Variants in FAM186A observed in about 807,000 individuals in gnomAD.
The protein encoded by FAM186A is family with sequence similarity 186 member A, also known as protein FAM186A.
A neutral mutation model predicts 216.8 loss-of-function variants in FAM186A; 163 were observed. That is an observed-to-expected ratio of 0.75 (90% confidence interval 0.66 to 0.86). FAM186A has a LOEUF of 0.86. Among genes scored for constraint, FAM186A ranks in the 40% least tolerant of loss-of-function variants. FAM186A has a pLI of 0.00. For synonymous variants in FAM186A, 805 were observed against 1,025.3 expected, an observed-to-expected ratio of 0.79 and a Z score of 4.10; for missense variants, 2,184 against 2,746.2, an observed-to-expected ratio of 0.80 and a Z score of 4.58.
intron 3 of FAM186A, among the ~76,000 whole-genome samples, chr12:50,360,113 A>G (rs549581556): frequency 1.3e-5 from 2 of 151,876 alleles, no homozygotes; most frequent in Non-Finnish European, 2.9e-5. Context: ...GCGTGGTGGC[A>G]GGTGCCTGTA....
At position 50,355,497 on chromosome 12, in the gene FAM186A, A is replaced by G. The variant is rs956227505; in HGVS notation, c.1335T>C (p.Asp445=). The G allele has an allele frequency of 5.2e-6, 8 of 1,551,174 alleles. No individual in the cohort carries two copies. The highest frequency in any genetic ancestry group is 3.9e-5 in the Admixed American group (2 of 50,914). The change falls in exon 4 of 8, where the codon GAT becomes GAC. Residue 445 remains aspartate, a synonymous_variant. Coordinates refer to ENST00000327337, the MANE Select transcript of FAM186A (RefSeq NM_001145475.3). ...CATCAGTCTCATCTTCCTGATAGAA[A>G]TCACCTTTCTTCAATGATACGTTAT... is the stretch of plus-strand genomic sequence containing the variant. ...TKDNVSLKKG[D]FYQEDETDEY...
At chr12:50,384,278 TA>T (rs200850479) in intron 1 of FAM186A, among the ~76,000 whole-genome samples, 46 of 148,314 alleles carry the variant, frequency 3.1e-4, no homozygotes, top group African/African-American at 5.7e-4. Flanking sequence ...CTACAAAAAT[TA>T]AAAAAAAAAT....
At position 50,331,682 on chromosome 12, in the gene FAM186A, C is replaced by G; in HGVS notation, c.6836G>C (p.Cys2279Ser). 1 of 1,540,758 alleles carries G rather than the reference C, an allele frequency of 6.5e-7. No homozygotes were observed. Among genetic ancestry groups the G allele is most frequent in the Non-Finnish European group, 8.7e-7 (1 of 1,144,790 alleles). The change falls in exon 6 of 8, where the codon TGC (cysteine) becomes TCC (serine). Residue 2279 changes from cysteine (C) to serine (S), a missense_variant. Physicochemically the swap from Cys to Ser is moderately radical, Grantham distance 112. Transcript: ENST00000327337. Reference sequence around the variant, plus strand: ...TTCTAGCACATACCTAAATTTCTTGCATATGTCAGAGGTTCTGTCCTCTTC... The same window carrying G: ...TTCTAGCACATACCTAAATTTCTTGGATATGTCAGAGGTTCTGTCCTCTTC... The part of the protein sequence containing the change: ...LMEEDRTSDI[C>S]KKFRQQEDQT...
At chr12:50,342,501 G>C (rs1383576127) in intron 4 of FAM186A, among the ~76,000 whole-genome samples, 2 of 148,248 alleles carry the variant, frequency 1.3e-5, no homozygotes, top group Non-Finnish European at 3.0e-5. Context: ...TAGAGAGAGA[G>C]TCTCGCTCTG....
intron 3 of FAM186A, among the ~76,000 whole-genome samples, chr12:50,359,360 T>A (rs1406434998): frequency 6.6e-6 from 1 of 151,952 alleles, no homozygotes; most frequent in African/African-American, 2.4e-5. Context: ...ATCACACCAC[T>A]GCACTCCAGC....
chr12:50,350,605 G>C lies in FAM186A; in HGVS notation c.6227C>G (p.Pro2076Arg), dbSNP rs1295642556. The stretch of plus-strand genomic sequence containing the variant: ...ATCTGAAACTGAACTCAGTATCCAG[G>C]GCTTGTCTATAGGAGGGAATCGGGA... ...QKSRFPPIDK[P>R]WILSSVSDTK... is the part of the protein sequence containing the mutation. Residue 2076 changes from proline (P) to arginine (R), a missense_variant, in exon 4 of 8, where the codon CCC (proline) becomes CGC (arginine). By Grantham distance (103) the Pro-to-Arg change is moderately radical (BLOSUM62 -2). Transcript: ENST00000327337. 3 of 1,551,466 alleles carry C rather than the reference G, an allele frequency of 1.9e-6. No homozygotes were observed. In the African/African-American group the frequency reaches 4.1e-5, roughly 21 times the overall value.
Position 50,360,812 on chromosome 12 carries a change from AG to A in FAM186A, c.526del (p.Leu176Ter). ...LKAIENNVKI[L>X]SRFSTSFLDE... ...GAGGAAAGATGTACTAAATCTGCTT[AG>A]TATCTTGACATTGTTCTCAATAGCT... is the stretch of plus-strand genomic sequence containing the variant. On this transcript the variant is annotated frameshift_variant, in exon 3 of 8. Transcript: ENST00000327337. LOFTEE classifies it high-confidence loss of function. 6.5e-7 allele frequency: 1 copy of A among 1,549,928 alleles called. No homozygotes were observed. Among genetic ancestry groups the A allele is most frequent in the Non-Finnish European group, 8.7e-7 (1 of 1,146,348 alleles).
intron 4 of FAM186A, among the ~76,000 whole-genome samples, chr12:50,335,135 TAGACAC>T (rs1159686409): frequency 6.6e-6 from 1 of 151,932 alleles, no homozygotes; most frequent in African/African-American, 2.4e-5. Flanking sequence ...CACATACCTG[TAGACAC>T]AGCCACTCAG....
chr12:50,340,440 T>G (rs1050851197), intron 4 of FAM186A, among the ~76,000 whole-genome samples: 1 of 152,090 alleles, frequency 6.6e-6, no homozygotes, highest in African/African-American at 2.4e-5. Context: ...CCGAGCTCAG[T>G]GTCTCACACC....
intron 4 of FAM186A, among the ~76,000 whole-genome samples, chr12:50,346,237 A>AAAGAAAGAAAGAAAGAAAG (rs1383898895): frequency 0.11 from 10,927 of 102,190 alleles, 2,844 homozygotes; most frequent in East Asian, 0.16. Flanking sequence ...AAGAAAGAAA[A>AAAGAAAGAAAGAAAGAAAG]AAAGAAAGAA....
At chr12:50,371,298 T>A (rs541411143) in intron 1 of FAM186A, among the ~76,000 whole-genome samples, 1 of 151,886 alleles carries the variant, frequency 6.6e-6, no homozygotes, top group African/African-American at 2.4e-5. Flanking sequence ...TTGTATTTTT[T>A]AGTAGAGACG....
chr12:50,373,016 A>G (rs1402265169), intron 1 of FAM186A, among the ~76,000 whole-genome samples: 1 of 138,180 alleles, frequency 7.2e-6, no homozygotes, highest in East Asian at 2.2e-4. Context: ...AGAAAGAAAG[A>G]AAGAAAGAAA....
intron 4 of FAM186A, among the ~76,000 whole-genome samples, chr12:50,335,650 A>G (rs992981293): frequency 2.0e-5 from 3 of 152,062 alleles, no homozygotes; most frequent in Admixed American, 2.0e-4. Flanking sequence ...TATCTCAAAA[A>G]AAAAAAAATG....
At position 50,351,611 on chromosome 12, in the gene FAM186A, C is replaced by T. The variant is rs201614087; in HGVS notation, c.5221G>A (p.Ala1741Thr). The change falls in exon 4 of 8, where the codon GCA becomes ACA. Residue 1741 changes from alanine (A) to threonine (T), a missense_variant. Physicochemically the swap from Ala to Thr is moderately conservative, Grantham distance 58. This residue lies in a region of FAM186A where 721 missense variants were observed against 816.4 expected (regional missense o/e 0.88). Transcript: ENST00000327337. The part of the protein sequence containing the change: ...RLSPSLRLSL[A>T]SSAPTAEKSS... ...TTCTCAGCAGTAGGAGCTGATGATG[C>T]CAGGGACAGCCTAAGACTTGGAGAC... The T allele has an allele frequency of 1.1e-4, 167 of 1,551,320 alleles. No individual in the cohort carries two copies. In the Middle Eastern group the frequency reaches 1.3e-3, roughly 12 times the overall value.
chr12:50,384,106 G>T (rs1323002914), intron 1 of FAM186A, among the ~76,000 whole-genome samples: 1 of 151,876 alleles, frequency 6.6e-6, no homozygotes, highest in South Asian at 2.1e-4. Flanking sequence ...CGACAAGTGA[G>T]ACTCTGTCTC....
chr12:50,377,669 C>T (rs753167746), intron 1 of FAM186A, among the ~76,000 whole-genome samples: 6 of 151,478 alleles, frequency 4.0e-5, no homozygotes, highest in Non-Finnish European at 7.4e-5. Flanking sequence ...CCTGTCTCTA[C>T]TAAAAATACA....
At position 50,378,495 on chromosome 12, in the gene FAM186A, A is replaced by G. The variant is rs913745628; in HGVS notation, c.193-15131T>C. 4.6e-5 allele frequency among the ~76,000 whole-genome samples: 7 copies of G among 150,896 alleles called. No individual in the cohort carries two copies. In the East Asian group the frequency reaches 1.2e-3, roughly 25 times the overall value. Reference sequence around the variant, plus strand: ...CAGTGAGCCGAGATTTCACCACTGCACTCCAGCCGGGGAGACAGAGTGAGA... The same window carrying G: ...CAGTGAGCCGAGATTTCACCACTGCGCTCCAGCCGGGGAGACAGAGTGAGA... On this transcript the variant is annotated intron_variant, in intron 1 of 7. Transcript: ENST00000327337.
chr12:50,356,143 G>T lies in FAM186A; in HGVS notation c.689C>A (p.Thr230Lys), dbSNP rs1942974625. 1 of 1,551,448 alleles carries T rather than the reference G, an allele frequency of 6.4e-7. No individual in the cohort carries two copies. The highest frequency in any genetic ancestry group is 1.4e-5 in the African/African-American group (1 of 73,014). Residue 230 changes from threonine (T) to lysine (K), a missense_variant, in exon 4 of 8, where the codon ACA becomes AAA. By Grantham distance (78) the Thr-to-Lys change is moderately conservative. Coordinates refer to ENST00000327337, the MANE Select transcript of FAM186A (RefSeq NM_001145475.3). The part of the protein sequence containing the change: ...PDQMISDQLA[T>K]NTKVSEIQGM... ...TTGGATTTCTGAAACCTTTGTATTT[G>T]TTGCAAGTTGATCACTAATCATCTG...
intron 1 of FAM186A, among the ~76,000 whole-genome samples, chr12:50,368,750 C>T (rs992147526): frequency 3.3e-5 from 5 of 151,980 alleles, no homozygotes; most frequent in African/African-American, 1.2e-4. Context: ...GGAGATCCCA[C>T]ATTTTCTGAT....
Sources: gnomAD v4.1 joint callset for allele counts (sites outside exome capture counted in the v4.1 genomes callset) on GRCh38, gnomAD v4.1.1 for gene constraint, gnomAD v4.1.1 regional missense constraint, MANE v1.5 for transcripts, NCBI Gene and HGNC (gene_info 2026-07-23, HGNC 2026-07-21) for gene names.